PTPRN2: variants seen among roughly 807,000 people sequenced by gnomAD.
PTPRN2 encodes protein tyrosine phosphatase receptor type N2.
Under a neutral mutation model 118.8 loss-of-function variants are expected in PTPRN2, and 74 were observed. The observed-to-expected ratio is 0.62, with a 90% CI of 0.52 to 0.76. The LOEUF (loss-of-function observed/expected upper bound fraction) is 0.76, where lower values mean the gene tolerates loss of function less well. Among genes scored for constraint, PTPRN2 ranks in the 30% least tolerant of loss-of-function variants. The pLI is 0.00. For synonymous variants in PTPRN2, 641 were observed against 608.0 expected, an observed-to-expected ratio of 1.05 and a Z score of -0.80; for missense variants, 1,481 against 1,394.4, an observed-to-expected ratio of 1.06 and a Z score of -0.99.
At chr7:157,633,318 T>G (rs1370704786) in intron 14 of PTPRN2, among the ~76,000 whole-genome samples, 1 of 152,116 alleles carries the variant, frequency 6.6e-6, no homozygotes, top group Non-Finnish European at 1.5e-5. Context: ...AATTTTTGTA[T>G]TTTTAGTAGA....
chr7:158,463,366 T>A (rs1447837897), intron 2 of PTPRN2, among the ~76,000 whole-genome samples: 2 of 151,822 alleles, frequency 1.3e-5, no homozygotes, highest in Non-Finnish European at 2.9e-5. Context: ...ACCATCACCA[T>A]CAGCATCTCA....
In PTPRN2 at chr7:158,360,035, T is replaced by A. The variant is rs13230559; in HGVS notation, c.164-43103A>T. 1.4e-3 allele frequency among the ~76,000 whole-genome samples: 117 copies of A among 85,276 alleles called. 6 individuals carry two copies. The highest frequency in any genetic ancestry group is 5.3e-3 in the African/African-American group (113 of 21,232). 55.9% of individuals were successfully genotyped at this position (85,276 alleles called of 152,430 possible). The stretch of plus-strand genomic sequence containing the variant: ...CTTCCTCACCCAGACAACCCACAGA[T>A]CCCAAGTCCACCCACACCCAGGACG... On this transcript the variant is annotated intron_variant, in intron 2 of 22. Transcript: ENST00000389418.
Position 157,780,715 on chromosome 7 carries a change from T to C in PTPRN2, c.1789-97778A>G, listed in dbSNP as rs1803627112. Among the ~76,000 whole-genome samples the C allele has an allele frequency of 1.3e-5, 2 of 152,192 alleles. 1 individual carries two copies. Among genetic ancestry groups the C allele is most frequent in the South Asian group, 4.1e-4 (2 of 4,832 alleles). On this transcript the variant is annotated intron_variant, in intron 12 of 22. Transcript: ENST00000389418. The surrounding 1 kb of genome is among the most constrained non-coding windows in gnomAD (Gnocchi z 4.5). Reference sequence around the variant, plus strand: ...GTATTCCCTATGTTGGAATGCATGATGGGGCCACACCCAGCACGGAGAGAG... The same window carrying C: ...GTATTCCCTATGTTGGAATGCATGACGGGGCCACACCCAGCACGGAGAGAG...
rs991644259 is a variant in PTPRN2 at position 158,165,670 on chromosome 7, T to C, written c.910+1261A>G. Among the ~76,000 whole-genome samples, 3 of 152,372 alleles carry C rather than the reference T, an allele frequency of 2.0e-5. No individual in the cohort carries two copies. In the East Asian group the frequency reaches 5.8e-4, roughly 29 times the overall value. On this transcript the variant is annotated intron_variant, in intron 6 of 22. Transcript: ENST00000389418. ...CTCACATAACGCGATGCTCAGGCAA[T>C]GTTTGTGAAATTTTAGTATTTGTTA...
intron 11 of PTPRN2, among the ~76,000 whole-genome samples, chr7:158,037,309 G>T (rs1808155587): frequency 6.6e-6 from 1 of 152,158 alleles, no homozygotes; most frequent in African/African-American, 2.4e-5. Flanking sequence ...ACACTCTCAG[G>T]TCTCCTAACC....
At chr7:158,298,814 G>T (rs1330228467) in intron 3 of PTPRN2, among the ~76,000 whole-genome samples, 1 of 152,170 alleles carries the variant, frequency 6.6e-6, no homozygotes, top group African/African-American at 2.4e-5. Flanking sequence ...CTGGGTCCAA[G>T]GACCTCCCAC....
chr7:157,684,062 C>G (rs1409277688), intron 12 of PTPRN2, among the ~76,000 whole-genome samples: 3 of 152,106 alleles, frequency 2.0e-5, no homozygotes, highest in Non-Finnish European at 2.9e-5. Flanking sequence ...CATTTCCTCC[C>G]GTCTCCCAGC....
chr7:158,138,961 C>T (rs111585788), intron 6 of PTPRN2, among the ~76,000 whole-genome samples: 1 of 133,996 alleles, frequency 7.5e-6, no homozygotes, highest in Non-Finnish European at 1.5e-5. Context: ...CCCTGCCCAG[C>T]ACACCCTGCC....
chr7:158,147,363 TC>T (rs1820215802), intron 6 of PTPRN2, among the ~76,000 whole-genome samples: 1 of 46,510 alleles, frequency 2.2e-5, no homozygotes, highest in Non-Finnish European at 3.9e-5. Flanking sequence ...CACGTATCTT[TC>T]CCCCTCAATG....
intron 16 of PTPRN2, among the ~76,000 whole-genome samples, chr7:157,599,225 G>C (rs1801521821): frequency 6.6e-6 from 1 of 152,178 alleles, no homozygotes; most frequent in African/African-American, 2.4e-5. Context: ...GGCCAGGCTG[G>C]TCTCGAACTC....
At chr7:158,195,733 T>C (rs1826162626) in intron 4 of PTPRN2, among the ~76,000 whole-genome samples, 1 of 152,122 alleles carries the variant, frequency 6.6e-6, no homozygotes, top group African/African-American at 2.4e-5. Context: ...ATTCCACCCA[T>C]GAAATTTTCC....
intron 13 of PTPRN2, 52 bp downstream of exon 13, chr7:157,682,673 C>A: frequency 1.3e-6 from 2 of 1,519,916 alleles, no homozygotes; most frequent in Non-Finnish European, 9.1e-7. Context: ...CCATCATCTG[C>A]CTGTTCAACA....
chr7:158,042,155 G>A (rs911022524), intron 11 of PTPRN2, among the ~76,000 whole-genome samples: 3 of 152,112 alleles, frequency 2.0e-5, no homozygotes, highest in South Asian at 4.2e-4. Flanking sequence ...AAGATGCCAC[G>A]GGCACTGAAA....
intron 3 of PTPRN2, among the ~76,000 whole-genome samples, chr7:158,255,302 G>A (rs987782169): frequency 6.6e-6 from 1 of 152,146 alleles, no homozygotes; most frequent in African/African-American, 2.4e-5. Context: ...TCACACCACA[G>A]AGGAAACCAA....
chr7:158,237,930 A>C (rs927208031), intron 3 of PTPRN2, among the ~76,000 whole-genome samples: 2 of 152,148 alleles, frequency 1.3e-5, no homozygotes, highest in African/African-American at 4.8e-5. Context: ...AGTTGCCCGC[A>C]GCCCGGCGGC....
At chr7:158,520,400 G>A (rs1823893664) in intron 1 of PTPRN2, among the ~76,000 whole-genome samples, 1 of 152,166 alleles carries the variant, frequency 6.6e-6, no homozygotes, top group Non-Finnish European at 1.5e-5. Context: ...CCATCTAGAT[G>A]GTGTTTCTAT....
intron 3 of PTPRN2, among the ~76,000 whole-genome samples, chr7:158,312,122 A>AC (rs1801823558): frequency 1.3e-5 from 1 of 76,742 alleles, no homozygotes; most frequent in Non-Finnish European, 2.9e-5. Context: ...CACAAGGCAA[A>AC]CACACGTGCT....
intron 12 of PTPRN2, among the ~76,000 whole-genome samples, chr7:157,811,219 G>A (rs898832858): frequency 1.3e-5 from 2 of 150,450 alleles, no homozygotes; most frequent in Admixed American, 6.6e-5. Flanking sequence ...TGCAGTGAGC[G>A]GAGATCGCAC....
intron 1 of PTPRN2, among the ~76,000 whole-genome samples, chr7:158,580,258 T>G (rs1289309842): frequency 6.6e-6 from 1 of 152,266 alleles, no homozygotes; most frequent in African/African-American, 2.4e-5. Context: ...TGAGCTGGAT[T>G]AAAATCACAG....
Sources: gnomAD v4.1 joint callset for allele counts (sites outside exome capture counted in the v4.1 genomes callset) on GRCh38, gnomAD v4.1.1 for gene constraint, Gnocchi (gnomAD v3.1) non-coding constraint, MANE v1.5 for transcripts, NCBI Gene and HGNC (gene_info 2026-07-23, HGNC 2026-07-21) for gene names.